R3HDM2: variants seen among roughly 807,000 people sequenced by gnomAD.
R3HDM2 encodes R3H domain containing 2.
A neutral mutation model predicts 124.5 loss-of-function variants in R3HDM2; 38 were observed. That is an observed-to-expected ratio of 0.31 (90% confidence interval 0.24 to 0.40). R3HDM2 has a LOEUF of 0.40. Ranked by LOEUF, R3HDM2 falls within the 10% of genes least tolerant of loss-of-function variation. R3HDM2 has a pLI of 1.00. For missense variants in R3HDM2, 869 were observed against 1,236.9 expected (o/e 0.70, Z 4.46); for synonymous variants, 391 against 448.0 (o/e 0.87, Z 1.61).
chr12:57,269,561 T>C, intron 15 of R3HDM2, 112 bp from the exon 16 acceptor site: 1 of 1,487,756 alleles, frequency 6.7e-7, no homozygotes, highest in Non-Finnish European at 9.1e-7. Flanking sequence ...AACGGAGATA[T>C]TTTGGACCTG....
rs56207989 is a variant in R3HDM2, at chr12:57,320,261, C to CAAAAAAAAAAAAAAAAAA, written c.-35-9816_-35-9799dup. ...GGGCAACAAGAGTGCAACTCTATCT[C>CAAAAAAAAAAAAAAAAAA]AAAAAAAAAAAAAAAAAAAAAAAAA... On this transcript the variant is annotated intron_variant, in intron 2 of 23. Coordinates refer to ENST00000402412, the MANE Select transcript of R3HDM2 (RefSeq NM_001394031.1). Among the ~76,000 whole-genome samples the CAAAAAAAAAAAAAAAAAA allele has an allele frequency of 3.4e-3, 48 of 14,278 alleles. 1 individual carries two copies. The highest frequency in any genetic ancestry group is 3.7e-3 in the Non-Finnish European group (29 of 7,818). 9.4% of individuals were successfully genotyped at this position (14,278 alleles called of 152,430 possible).
At chr12:57,428,129 A>G (rs1566537901) in intron 1 of R3HDM2, among the ~76,000 whole-genome samples, 1 of 151,656 alleles carries the variant, frequency 6.6e-6, no homozygotes, top group Non-Finnish European at 1.5e-5. Flanking sequence ...CAAAAAAAAA[A>G]AAGAGTGAAA....
chr12:57,353,326 T>C (rs2060881234), intron 2 of R3HDM2, among the ~76,000 whole-genome samples: 1 of 151,990 alleles, frequency 6.6e-6, no homozygotes, highest in African/African-American at 2.4e-5. Flanking sequence ...AGACTAAAAA[T>C]TAGAAACTCA....
At chr12:57,361,431 A>T (rs1431731885) in intron 2 of R3HDM2, among the ~76,000 whole-genome samples, 1 of 151,350 alleles carries the variant, frequency 6.6e-6, no homozygotes, top group Non-Finnish European at 1.5e-5. Flanking sequence ...CATGGCTGTA[A>T]TCCCTACACT....
chr12:57,425,566 G>A (rs1031041232), intron 1 of R3HDM2, among the ~76,000 whole-genome samples: 11 of 152,118 alleles, frequency 7.2e-5, no homozygotes, highest in African/African-American at 2.4e-4. Context: ...TTGGGAGGCC[G>A]AGGCAGGCGA....
At chr12:57,389,762 A>G (rs192408619) in intron 2 of R3HDM2, among the ~76,000 whole-genome samples, 23 of 152,352 alleles carry the variant, frequency 1.5e-4, no homozygotes, top group Non-Finnish European at 2.8e-4. Flanking sequence ...TAGAATAGAA[A>G]AAAAGCATAT....
rs768926548 is a variant in R3HDM2, at chr12:57,268,900, TCC to T, written c.1875+20_1875+21del. The T allele has an allele frequency of 6.2e-6, 10 of 1,611,550 alleles. 1 individual carries two copies. The Middle Eastern group carries it at 9.2e-4, about 149-fold the overall frequency. On this transcript the variant is annotated intron_variant, in intron 17 of 23. Transcript: ENST00000402412. ...TCATGCCAAGGACTGGGGTGATCCT[TCC>T]CAATGCAGAATGCACCCACTTGGTA...
intron 1 of R3HDM2, among the ~76,000 whole-genome samples, chr12:57,406,332 A>C (rs191044467): frequency 1.6e-4 from 24 of 152,152 alleles, no homozygotes; most frequent in African/African-American, 5.3e-4. Flanking sequence ...AAAAAAAAAA[A>C]AAAAAAAACT....
At chr12:57,429,348 A>G (rs1390256367) in intron 1 of R3HDM2, among the ~76,000 whole-genome samples, 2 of 152,244 alleles carry the variant, frequency 1.3e-5, no homozygotes, top group African/African-American at 4.8e-5. Context: ...CTTTTCTCTC[A>G]ACTCTCTGGA....
intron 2 of R3HDM2, among the ~76,000 whole-genome samples, chr12:57,390,018 C>A (rs902064714): frequency 2.0e-5 from 3 of 151,954 alleles, no homozygotes; most frequent in Admixed American, 1.3e-4. Flanking sequence ...CTGCCGTTCC[C>A]TTTTCAAGAA....
At chr12:57,298,691 G>A (rs2050432837) in intron 6 of R3HDM2, among the ~76,000 whole-genome samples, 1 of 150,718 alleles carries the variant, frequency 6.6e-6, no homozygotes. Flanking sequence ...GCCAGGCGCA[G>A]TGGCTCACAT....
chr12:57,288,385 T>G, intron 12 of R3HDM2, among the ~76,000 whole-genome samples: 1 of 151,822 alleles, frequency 6.6e-6, no homozygotes, highest in African/African-American at 2.4e-5. Flanking sequence ...TATGTCTCTC[T>G]CTCTCTCTCT....
intron 1 of R3HDM2, among the ~76,000 whole-genome samples, chr12:57,429,690 G>C (rs949365967): frequency 6.9e-6 from 1 of 144,372 alleles, no homozygotes; most frequent in Non-Finnish European, 1.5e-5. Flanking sequence ...TCCATTCTGG[G>C]TGACAGACTG....
At chr12:57,263,708 AGT>A (rs762376494) in intron 19 of R3HDM2, among the ~76,000 whole-genome samples, 6 of 152,128 alleles carry the variant, frequency 3.9e-5, no homozygotes, top group Non-Finnish European at 8.8e-5. Flanking sequence ...CCTGGCCTCA[AGT>A]GATCCACCCT....
chr12:57,408,356 C>T (rs1417484214), intron 1 of R3HDM2, among the ~76,000 whole-genome samples: 2 of 152,110 alleles, frequency 1.3e-5, no homozygotes, highest in Admixed American at 6.6e-5. Context: ...CATGAGCCAC[C>T]GCACCTGCAA....
At chr12:57,291,307 G>A (rs993153723) in intron 11 of R3HDM2, among the ~76,000 whole-genome samples, 2 of 151,942 alleles carry the variant, frequency 1.3e-5, no homozygotes, top group African/African-American at 4.8e-5. Context: ...TGAGAAAGGG[G>A]AGAATGGGGG....
chr12:57,430,486 C>T, intron 1 of R3HDM2: 1 of 900,762 alleles, frequency 1.1e-6, no homozygotes, highest in Non-Finnish European at 1.3e-6. Flanking sequence ...GCGCCACCCC[C>T]CTGCCCCCGC....
rs2039559477 is a variant in R3HDM2 at position 57,257,996 on chromosome 12, C to T, written c.2443G>A (p.Ala815Thr). The T allele has an allele frequency of 6.4e-7, 1 of 1,558,880 alleles. No individual in the cohort carries two copies. The highest frequency in any genetic ancestry group is 8.7e-7 in the Non-Finnish European group (1 of 1,144,498). ...LTQFPRPGGP[A>T]QGDGRYSLLG... ...CACTAATCTAACCCCCTACCCTGTG[C>T]TGGACCCCCAGGCCGGGGGAACTGT... Residue 815 changes from alanine to threonine, a missense_variant, in exon 21 of 24, where the codon GCA (alanine) becomes ACA (threonine). Transcript: ENST00000402412.
chr12:57,336,695 GAA>G (rs1413561671), intron 2 of R3HDM2, among the ~76,000 whole-genome samples: 1 of 151,912 alleles, frequency 6.6e-6, no homozygotes, highest in Non-Finnish European at 1.5e-5. Context: ...GAGAGGACCA[GAA>G]AAGATAACTA....
Sources: allele counts gnomAD v4.1 joint callset (sites outside exome capture counted in the v4.1 genomes callset), GRCh38; gene constraint gnomAD v4.1.1; transcripts MANE v1.5; gene names NCBI Gene and HGNC (gene_info 2026-07-23, HGNC 2026-07-21).